NXPE2: variants seen among roughly 807,000 people sequenced by gnomAD.
The protein encoded by NXPE2 is NXPE family member 2.
Under a neutral mutation model 34.4 loss-of-function variants are expected in NXPE2, and 34 were observed. The ratio of observed to expected loss-of-function variants is 0.99; its 90% CI spans 0.75 to 1.31. The LOEUF (loss-of-function observed/expected upper bound fraction) is 1.31. Among genes scored for constraint, NXPE2 ranks in the 40% most tolerant of loss-of-function variants. NXPE2 has a pLI of 0.00. For missense variants in NXPE2, 649 were observed against 672.5 expected (o/e 0.97, Z 0.39); for synonymous variants, 235 against 231.3 (o/e 1.02, Z -0.15).
the NXPE2 span, among the ~76,000 whole-genome samples, chr11:114,640,099 T>G: frequency 8.1e-6 from 1 of 124,012 alleles, no homozygotes; most frequent in Non-Finnish European, 1.6e-5. Context: ...ATATAATATA[T>G]GATTATATAT....
chr11:114,522,780 A>ACCTTT, the NXPE2 span: 1 of 825,256 alleles, frequency 1.2e-6, no homozygotes, highest in South Asian at 1.7e-5. Flanking sequence ...AGCCAAATGA[A>ACCTTT]GTAAAAAACA....
At chr11:114,785,784 T>C in the NXPE2 span, among the ~76,000 whole-genome samples, 1 of 152,200 alleles carries the variant, frequency 6.6e-6, no homozygotes, top group African/African-American at 2.4e-5. Flanking sequence ...CTGTGACAAC[T>C]TCCCCTAGTT....
At chr11:114,620,184 C>T in the NXPE2 span, among the ~76,000 whole-genome samples, 1 of 149,770 alleles carries the variant, frequency 6.7e-6, no homozygotes, top group African/African-American at 2.5e-5. Flanking sequence ...GGGTAACCAC[C>T]ATTACCCGCT....
At chr11:114,617,771 A>C in the NXPE2 span, among the ~76,000 whole-genome samples, 2,234 of 152,204 alleles carry the variant, frequency 0.015, 43 homozygotes, top group African/African-American at 0.051. Context: ...GTGGATAATA[A>C]GTGTTGCCTT....
At chr11:114,577,526 C>T in the NXPE2 span, among the ~76,000 whole-genome samples, 1 of 151,914 alleles carries the variant, frequency 6.6e-6, no homozygotes, top group Non-Finnish European at 1.5e-5. Context: ...CAAACACCAC[C>T]GGTTCCCCAA....
At chr11:114,723,637 T>G in the NXPE2 span, among the ~76,000 whole-genome samples, 1 of 152,016 alleles carries the variant, frequency 6.6e-6, no homozygotes, top group East Asian at 1.9e-4. Context: ...TTGGCCTGCC[T>G]GGACAGGTGG....
At chr11:114,601,954 AAT>A in the NXPE2 span, among the ~76,000 whole-genome samples, 5 of 82,120 alleles carry the variant, frequency 6.1e-5, no homozygotes, top group Non-Finnish European at 1.0e-4. Flanking sequence ...AATTATATAT[AAT>A]ATTATATATT....
the NXPE2 span, among the ~76,000 whole-genome samples, chr11:114,787,766 G>A: frequency 7.0e-3 from 1,060 of 152,242 alleles, 9 homozygotes; most frequent in Middle Eastern, 0.017. Context: ...AAAATTCCAA[G>A]AGTCAGCAAA....
chr11:114,811,215 C>T, the NXPE2 span, among the ~76,000 whole-genome samples: 1 of 150,878 alleles, frequency 6.6e-6, no homozygotes, highest in African/African-American at 2.4e-5. Flanking sequence ...GGGATAGCAT[C>T]AAGAGATATA....
chr11:114,578,404 T>C, the NXPE2 span, among the ~76,000 whole-genome samples: 1 of 152,198 alleles, frequency 6.6e-6, no homozygotes, highest in Non-Finnish European at 1.5e-5. Flanking sequence ...GTCCTTTATA[T>C]GACCCAAGAG....
chr11:114,808,955 G>C, the NXPE2 span, among the ~76,000 whole-genome samples: 145,727 of 152,202 alleles, frequency 0.96, 70,091 homozygotes, highest in Middle Eastern at 1. Context: ...TAAAACACCG[G>C]CAAACTGAAT....
At chr11:114,688,431 A>G (rs1169375105) in intron 2 of NXPE2, among the ~76,000 whole-genome samples, 1 of 152,090 alleles carries the variant, frequency 6.6e-6, no homozygotes, top group African/African-American at 2.4e-5. Flanking sequence ...TCCCTGGAAT[A>G]AAGCCCACTT....
the NXPE2 span, among the ~76,000 whole-genome samples, chr11:114,663,667 CATCT>C: frequency 1.5e-4 from 13 of 84,570 alleles, no homozygotes; most frequent in African/African-American, 3.0e-4. Flanking sequence ...ATTTATCTAT[CATCT>C]ATCTATTTAT....
At chr11:114,628,882 T>G in the NXPE2 span, among the ~76,000 whole-genome samples, 1 of 151,922 alleles carries the variant, frequency 6.6e-6, no homozygotes, top group Non-Finnish European at 1.5e-5. Flanking sequence ...CATCAGAGAA[T>G]GCTACAAACA....
At chr11:114,507,368 GAC>G in the NXPE2 span, among the ~76,000 whole-genome samples, 5 of 152,042 alleles carry the variant, frequency 3.3e-5, no homozygotes, top group African/African-American at 9.7e-5. Context: ...GAGGAGGAGG[GAC>G]TCCTCCCTCA....
chr11:114,752,484 G>A, the NXPE2 span, among the ~76,000 whole-genome samples: 1 of 152,206 alleles, frequency 6.6e-6, no homozygotes, highest in Non-Finnish European at 1.5e-5. Flanking sequence ...GAGAGTAGGA[G>A]AGCAAGGGTG....
upstream of NXPE2, among the ~76,000 whole-genome samples, chr11:114,674,090 AAAACAAACAAAC>A (rs72440964): frequency 0.12 from 15,306 of 131,824 alleles, 1,013 homozygotes; most frequent in African/African-American, 0.2. Flanking sequence ...ACATTGTTTA[AAAACAAACAAAC>A]AAACAAACAA....
At chr11:114,766,536 CTT>C in the NXPE2 span, among the ~76,000 whole-genome samples, 218 of 152,140 alleles carry the variant, frequency 1.4e-3, 1 homozygote, top group Non-Finnish European at 2.6e-3. Flanking sequence ...TATTCCCACA[CTT>C]TCCCTTTTTC....
the NXPE2 span, among the ~76,000 whole-genome samples, chr11:114,575,021 C>T: frequency 1.6e-4 from 24 of 151,930 alleles, no homozygotes; most frequent in Non-Finnish European, 2.4e-4. Flanking sequence ...ATACCAGGGA[C>T]GCAGGGATGG....
Sources: gnomAD v4.1 joint callset for allele counts (sites outside exome capture counted in the v4.1 genomes callset) on GRCh38, gnomAD v4.1.1 for gene constraint, MANE v1.5 for transcripts, NCBI Gene and HGNC (gene_info 2026-07-23, HGNC 2026-07-21) for gene names.